The following PKP1 variants were observed in gnomAD, a reference collection of about 807,000 sequenced individuals.
PKP1 encodes plakophilin-1.
PKP1 carries 27 observed loss-of-function variants against 76.4 expected under a neutral mutation model. The ratio of observed to expected loss-of-function variants is 0.35; its 90% CI spans 0.26 to 0.49. PKP1 has a LOEUF of 0.49. Ranked by LOEUF, PKP1 falls within the 20% of genes least tolerant of loss-of-function variation. PKP1 has a pLI of 0.99. For synonymous variants in PKP1, 404 were observed against 384.2 expected, an observed-to-expected ratio of 1.05 and a Z score of -0.60; for missense variants, 964 against 955.2, an observed-to-expected ratio of 1.01 and a Z score of -0.12.
intron 2 of PKP1, among the ~76,000 whole-genome samples, chr1:201,299,664 C>T (rs1656168650): frequency 6.6e-6 from 1 of 152,202 alleles, no homozygotes. Context: ...TTAATTTCCT[C>T]TTTGCTTTCA....
Position 201,313,260 on chromosome 1 carries a change from G to C in PKP1, c.401G>C (p.Ser134Thr). 3.1e-6 allele frequency: 5 copies of C among 1,605,196 alleles called. No homozygotes were observed. The highest frequency in any genetic ancestry group is 3.4e-6 in the Non-Finnish European group (4 of 1,176,280). The change falls in exon 3 of 14, where the codon AGC becomes ACC. Residue 134 changes from serine (S) to threonine (T), a missense_variant. Physicochemically the swap from Ser to Thr is moderately conservative, Grantham distance 58. Coordinates refer to ENST00000367324, the MANE Select transcript of PKP1 (RefSeq NM_001005337.3). Reference protein sequence around the residue: ...ENWSRHYPRGSCNTTGAGSDI... With the variant: ...ENWSRHYPRGTCNTTGAGSDI... The stretch of plus-strand genomic sequence containing the variant: ...TGGAGCCGGCACTACCCCCGGGGCA[G>C]CTGTAACACCACCGGCGCAGGCAGC...
At chr1:201,328,960 G>A (rs1306424109) in intron 13 of PKP1, 92 bp downstream of exon 13, 2 of 825,386 alleles carry the variant, frequency 2.4e-6, no homozygotes, top group African/African-American at 1.7e-5. Flanking sequence ...GTGCTCCCAG[G>A]GACACAGAAG....
At chr1:201,293,904 T>C (rs961992611) in intron 1 of PKP1, 38 bp from the exon 2 acceptor site, 4 of 1,355,936 alleles carry the variant, frequency 2.9e-6, no homozygotes, top group Admixed American at 1.8e-5. Context: ...ATGAAGATCA[T>C]GGCCATCCCT....
chr1:201,315,281 G>T (rs1344850067), intron 3 of PKP1, among the ~76,000 whole-genome samples: 1 of 152,228 alleles, frequency 6.6e-6, no homozygotes, highest in African/African-American at 2.4e-5. Flanking sequence ...TTCTCTCAAT[G>T]CAGGCAGCAG....
At chr1:201,328,668 C>T (rs1657221349) in intron 12 of PKP1, 94 bp from the exon 13 acceptor site, 6 of 1,070,594 alleles carry the variant, frequency 5.6e-6, no homozygotes, top group Non-Finnish European at 7.3e-6. Flanking sequence ...CTGTGTGAGC[C>T]GAGGTTGCTC....
chr1:201,322,230 T>C lies in PKP1; in HGVS notation c.1503+97T>C, dbSNP rs193182789. The C allele has an allele frequency of 5.8e-6, 8 of 1,382,848 alleles. No homozygotes were observed. In the East Asian group the frequency reaches 1.9e-4, roughly 33 times the overall value. 85.7% of individuals were successfully genotyped at this position (1,382,848 alleles called of 1,614,324 possible). On this transcript the variant is annotated intron_variant, in intron 8 of 13. Transcript: ENST00000367324. Reference sequence around the variant, plus strand: ...CTTTCCTCTGGGCCCTCCTGGAGCCTGAAGCCAGCCCTAAGGGACAGGCCC... The same window carrying C: ...CTTTCCTCTGGGCCCTCCTGGAGCCCGAAGCCAGCCCTAAGGGACAGGCCC...
intron 2 of PKP1, among the ~76,000 whole-genome samples, chr1:201,305,980 A>G (rs1023824971): frequency 6.6e-6 from 1 of 152,164 alleles, no homozygotes; most frequent in African/African-American, 2.4e-5. Context: ...CTCTGGGGCC[A>G]TGGAAGGGAG....
At chr1:201,310,634 T>C (rs1656520482) in intron 2 of PKP1, among the ~76,000 whole-genome samples, 3 of 152,200 alleles carry the variant, frequency 2.0e-5, no homozygotes, top group Non-Finnish European at 4.4e-5. Flanking sequence ...GGACGGGGTC[T>C]GAGAGGAGGC....
chr1:201,283,792 G>T lies in PKP1; in HGVS notation c.90G>T (p.Lys30Asn), dbSNP rs1322769789. The change falls in exon 1 of 14, where the codon AAG (lysine) becomes AAT (asparagine). Residue 30 changes from lysine (K) to asparagine (N), a missense_variant. Transcript: ENST00000367324. ...NSTLALPSDQ[K>N]MKTGTSGRQR... ...CGTTGGCTTTGCCGTCGGACCAAAA[G>T]ATGAAAACAGGCACGTCTGGCAGGC... 6.2e-7 allele frequency: 1 copy of T among 1,614,096 alleles called. No homozygotes were observed. Among genetic ancestry groups the T allele is most frequent in the Non-Finnish European group, 8.5e-7 (1 of 1,180,026 alleles).
chr1:201,311,302 G>A (rs960079849), intron 2 of PKP1, among the ~76,000 whole-genome samples: 1 of 152,194 alleles, frequency 6.6e-6, no homozygotes, highest in Non-Finnish European at 1.5e-5. Context: ...TTGCCCAGCT[G>A]CTCTCCCCAT....
intron 3 of PKP1, among the ~76,000 whole-genome samples, chr1:201,315,524 A>G (rs897710947): frequency 3.9e-5 from 6 of 152,212 alleles, no homozygotes; most frequent in African/African-American, 1.4e-4. Flanking sequence ...GGAAGGCTTC[A>G]CAGATGTGGG....
intron 7 of PKP1, among the ~76,000 whole-genome samples, chr1:201,321,397 A>G (rs1212353375): frequency 1.3e-5 from 2 of 152,076 alleles, no homozygotes; most frequent in African/African-American, 4.8e-5. Context: ...ATTGACAAAG[A>G]TCTGAGCCCA....
At chr1:201,316,745 G>GAA (rs771172429) in intron 4 of PKP1, 48 bp downstream of exon 4, 1 of 1,606,960 alleles carries the variant, frequency 6.2e-7, no homozygotes, top group Non-Finnish European at 8.5e-7. Flanking sequence ...GGAGGGCCTG[G>GAA]GTGTGTCAGC....
chr1:201,295,068 T>C (rs1244353096), intron 2 of PKP1, among the ~76,000 whole-genome samples: 1 of 152,166 alleles, frequency 6.6e-6, no homozygotes, highest in Non-Finnish European at 1.5e-5. Context: ...AAAGGCTGCT[T>C]CTCTGTGGGA....
At chr1:201,309,194 T>A (rs1656460546) in intron 2 of PKP1, among the ~76,000 whole-genome samples, 1 of 151,944 alleles carries the variant, frequency 6.6e-6, no homozygotes, top group Non-Finnish European at 1.5e-5. Context: ...AAGGAGGGGT[T>A]GGCCTCTGAG....
chr1:201,318,548 G>A, intron 5 of PKP1, 70 bp from the exon 6 acceptor site: 1 of 1,389,964 alleles, frequency 7.2e-7, no homozygotes, highest in South Asian at 1.2e-5. Context: ...GTCCAGGCTG[G>A]GGCTGTTACC....
chr1:201,313,098 A>C lies in PKP1; in HGVS notation c.307-68A>C, dbSNP rs964832738. On this transcript the variant is annotated intron_variant, in intron 2 of 13. Coordinates refer to ENST00000367324, the MANE Select transcript of PKP1 (RefSeq NM_001005337.3). ...TGGGGGCTGGGGAGGGCTGTATCTCATGCCCTGCTGGATCCAGGACCCCCA... is the reference window on the plus strand; with the variant it reads ...TGGGGGCTGGGGAGGGCTGTATCTCCTGCCCTGCTGGATCCAGGACCCCCA... 24 of 1,511,070 alleles carry C rather than the reference A, an allele frequency of 1.6e-5. No homozygotes were observed. In the African/African-American group the frequency reaches 1.9e-4, roughly 12 times the overall value. The allele number at this position is 1,511,070 out of a possible 1,614,324, so 93.6% of individuals were successfully genotyped here. A position where few individuals can be genotyped will look rare whatever the true frequency, so the allele number is the denominator to read the frequency against.
intron 11 of PKP1, 57 bp from the exon 12 acceptor site, chr1:201,325,697 G>T: frequency 2.8e-5 from 36 of 1,303,360 alleles, no homozygotes; most frequent in Non-Finnish European, 3.9e-5. Context: ...GGAAGAGGGT[G>T]CTCCTTCTCA....
chr1:201,304,033 G>A (rs1656305561), intron 2 of PKP1, among the ~76,000 whole-genome samples: 1 of 152,340 alleles, frequency 6.6e-6, no homozygotes, highest in African/African-American at 2.4e-5. Flanking sequence ...ACTCACCAGG[G>A]TCTGCTGGGT....
Sources: allele counts gnomAD v4.1 joint callset (sites outside exome capture counted in the v4.1 genomes callset), GRCh38; gene constraint gnomAD v4.1.1; transcripts MANE v1.5; gene names NCBI Gene and HGNC (gene_info 2026-07-23, HGNC 2026-07-21).